The following SYNE2 variants were observed in gnomAD, a reference collection of about 807,000 sequenced individuals.
The protein encoded by SYNE2 is spectrin repeat containing nuclear envelope protein 2.
A neutral mutation model predicts 856.3 loss-of-function variants in SYNE2; 431 were observed. The ratio of observed to expected loss-of-function variants is 0.50; its 90% CI spans 0.47 to 0.55. The LOEUF is 0.55. SYNE2 is among the 20% of genes least tolerant of loss of function. The pLI is 0.00. For synonymous variants in SYNE2, 2,923 were observed against 2,872.3 expected (o/e 1.02, Z -0.56); for missense variants, 8,129 against 8,023.2 (o/e 1.01, Z -0.50).
chr14:63,889,070 A>G, intron 1 of SYNE2, among the ~76,000 whole-genome samples: 1 of 141,252 alleles, frequency 7.1e-6, no homozygotes, highest in African/African-American at 2.5e-5. Flanking sequence ...AAAAAAAAAA[A>G]AAGGGTAAAG....
chr14:63,785,832 A>G lies in SYNE2; in HGVS notation c.-305+23846A>G, dbSNP rs542582438. ...TTTTGTTAAGAAAAACAGCACAGGC[A>G]TGGTGGCTCACACCTGTAGGTCCAG... On this transcript the variant is annotated intron_variant, in intron 1 of 23. Coordinates refer to the SYNE2 transcript ENST00000674003. 7.9e-5 allele frequency among the ~76,000 whole-genome samples: 12 copies of G among 152,316 alleles called. No homozygotes were observed. In the East Asian group the frequency reaches 2.1e-3, roughly 27 times the overall value.
intron 1 of SYNE2, among the ~76,000 whole-genome samples, chr14:63,766,226 C>T (rs2139692312): frequency 6.6e-6 from 1 of 151,972 alleles, no homozygotes; most frequent in East Asian, 1.9e-4. Flanking sequence ...TTACAGGTTC[C>T]TGCTATCACA....
At chr14:63,799,305 C>T (rs1309830185) in intron 1 of SYNE2, among the ~76,000 whole-genome samples, 1 of 152,174 alleles carries the variant, frequency 6.6e-6, no homozygotes, top group African/African-American at 2.4e-5. Flanking sequence ...TCTTGAACTC[C>T]TGACCTCAAG....
chr14:64,100,406 C>A (rs2097711822), intron 63 of SYNE2: 1 of 149,760 alleles, frequency 6.7e-6, no homozygotes, highest in African/African-American at 2.5e-5. Flanking sequence ...GTCCCAGCTA[C>A]TTGGGAGGCT....
intron 66 of SYNE2, among the ~76,000 whole-genome samples, chr14:64,113,853 A>G (rs963564764): frequency 2.0e-5 from 3 of 152,116 alleles, no homozygotes; most frequent in African/African-American, 2.4e-5. Flanking sequence ...TTTTCCTTAT[A>G]TAGTAGGTTA....
At chr14:64,019,618 G>A (rs1049485416) in intron 34 of SYNE2, among the ~76,000 whole-genome samples, 33 of 152,288 alleles carry the variant, frequency 2.2e-4, no homozygotes, top group African/African-American at 7.7e-4. Flanking sequence ...ACAGCTGTGG[G>A]CCAAAATCTG....
intron 44 of SYNE2, 148 bp downstream of exon 44, chr14:64,030,207 G>A (rs992912028): frequency 1.2e-6 from 1 of 839,388 alleles, no homozygotes; most frequent in South Asian, 1.5e-5. Context: ...CATAATAAAT[G>A]AGAATGTCCT....
chr14:63,823,043 G>A (rs911867400), intron 1 of SYNE2, among the ~76,000 whole-genome samples: 2 of 152,044 alleles, frequency 1.3e-5, no homozygotes, highest in Non-Finnish European at 2.9e-5. Flanking sequence ...GTTCGAGGTT[G>A]CAGTGAGCTA....
chr14:63,781,689 T>C (rs1321989786), intron 1 of SYNE2, among the ~76,000 whole-genome samples: 1 of 151,798 alleles, frequency 6.6e-6, no homozygotes, highest in East Asian at 1.9e-4. Flanking sequence ...TAAAGTTATA[T>C]TTATATACTT....
chr14:64,223,855 T>C (rs1008012004), intron 113 of SYNE2, among the ~76,000 whole-genome samples: 11 of 152,308 alleles, frequency 7.2e-5, no homozygotes, highest in Admixed American at 1.3e-4. Context: ...CTAGACTCTC[T>C]TGATGGCCAC....
At chr14:64,169,697 G>A (rs2098401263) in intron 93 of SYNE2, among the ~76,000 whole-genome samples, 1 of 152,176 alleles carries the variant, frequency 6.6e-6, no homozygotes, top group African/African-American at 2.4e-5. Flanking sequence ...GTTCCAGGAT[G>A]ATAAGCTAAT....
At chr14:63,950,484 G>A (rs1255928737) in intron 7 of SYNE2, among the ~76,000 whole-genome samples, 1 of 152,178 alleles carries the variant, frequency 6.6e-6, no homozygotes, top group East Asian at 1.9e-4. Flanking sequence ...GAACCTGGGA[G>A]GCGGAGGTTG....
intron 50 of SYNE2, 129 bp from the exon 51 acceptor site, chr14:64,065,303 T>G: frequency 1.2e-6 from 1 of 803,886 alleles, no homozygotes; most frequent in South Asian, 1.6e-5. Context: ...TCTAAAAGGA[T>G]AAGAGGTGGA....
At chr14:64,044,450 G>C (rs544392134) in intron 45 of SYNE2, among the ~76,000 whole-genome samples, 2 of 152,298 alleles carry the variant, frequency 1.3e-5, no homozygotes, top group Admixed American at 1.3e-4. Flanking sequence ...ACTTTTGACT[G>C]TGGACTTTTG....
At position 64,225,322 on chromosome 14, in the gene SYNE2, C is replaced by T. The variant is rs1567707609; in HGVS notation, c.20520C>T (p.Val6840=). The change falls in exon 116 of 116, where the codon GTC becomes GTT. Residue 6840 remains valine, a synonymous_variant. Transcript: ENST00000555002. ...TCTCAACCTCCTCTGTTGGCAGGGT[C>T]CCCGGCAGCACACGGCCACAGCGCT... ...TEGEEETESR[V]PGSTRPQRSF... is the part of the protein sequence containing the mutation. The T allele has an allele frequency of 6.2e-7, 1 of 1,614,032 alleles. No homozygotes were observed. Among genetic ancestry groups the T allele is most frequent in the Non-Finnish European group, 8.5e-7 (1 of 1,180,016 alleles).
At chr14:64,079,671 G>A (rs1327388451) in intron 55 of SYNE2, among the ~76,000 whole-genome samples, 1 of 152,126 alleles carries the variant, frequency 6.6e-6, no homozygotes, top group African/African-American at 2.4e-5. Flanking sequence ...AGAGCTTTCT[G>A]CCTCTGCATT....
intron 11 of SYNE2, among the ~76,000 whole-genome samples, chr14:63,973,631 CAAAAAA>C (rs60498158): frequency 2.9e-5 from 2 of 67,810 alleles, no homozygotes; most frequent in East Asian, 4.2e-4. Context: ...GAGTCCATCT[CAAAAAA>C]AAAAAAAAAA....
At chr14:63,910,021 C>G (rs1181429679) in intron 2 of SYNE2, among the ~76,000 whole-genome samples, 1 of 152,188 alleles carries the variant, frequency 6.6e-6, no homozygotes, top group Non-Finnish European at 1.5e-5. Flanking sequence ...TGAAAATTCA[C>G]TAGCCACTAG....
At chr14:63,834,982 G>A (rs1052519215) in intron 1 of SYNE2, among the ~76,000 whole-genome samples, 4 of 152,078 alleles carry the variant, frequency 2.6e-5, no homozygotes, top group Non-Finnish European at 5.9e-5. Flanking sequence ...AATAGTGTAA[G>A]TCAAATGTAG....
Sources: gnomAD v4.1 joint callset for allele counts (sites outside exome capture counted in the v4.1 genomes callset) on GRCh38, gnomAD v4.1.1 for gene constraint, MANE v1.5 for transcripts, NCBI Gene and HGNC (gene_info 2026-07-23, HGNC 2026-07-21) for gene names.